The following ROPN1L variants were observed in gnomAD, a reference collection of about 807,000 sequenced individuals.
ROPN1L encodes the protein ropporin-1-like protein.
Under a neutral mutation model 22.7 loss-of-function variants are expected in ROPN1L, and 23 were observed. That is an observed-to-expected ratio of 1.01 (90% CI 0.73 to 1.43). ROPN1L has a LOEUF of 1.43. Ranked by LOEUF, ROPN1L falls within the 40% of genes most tolerant of loss-of-function variation. ROPN1L has a pLI of 0.00. For missense variants in ROPN1L, 271 were observed against 291.5 expected (o/e 0.93, Z 0.51); for synonymous variants, 116 against 117.8 (o/e 0.98, Z 0.10).
chr5:10,449,133 C>T (rs1274346984), intron 2 of ROPN1L, among the ~76,000 whole-genome samples: 4 of 152,336 alleles, frequency 2.6e-5, no homozygotes, highest in East Asian at 1.9e-4. Context: ...GTGTAGCTTG[C>T]GAAAAGACAT....
chr5:10,482,096 T>C, the ROPN1L span: 4 of 152,032 alleles, frequency 2.6e-5, no homozygotes, highest in Admixed American at 6.6e-5. Context: ...CCGGGTGTGA[T>C]GGTTGCACCT....
downstream of ROPN1L, chr5:10,465,029 C>T (rs1735128609): frequency 1.4e-6 from 1 of 705,506 alleles, no homozygotes; most frequent in Non-Finnish European, 2.4e-6. Context: ...GAATCACACA[C>T]CTCTGTAGTG....
At chr5:10,442,418 C>A in intron 1 of ROPN1L, 120 bp downstream of exon 1, 4 of 1,258,586 alleles carry the variant, frequency 3.2e-6, no homozygotes, top group East Asian at 2.4e-5. Flanking sequence ...GAGTATCAGG[C>A]AAAACTTTCC....
Position 10,442,010 on chromosome 5 carries a change from G to T in ROPN1L, c.-158G>T, listed in dbSNP as rs1326793305. On this transcript the variant is annotated 5_prime_UTR_variant, in exon 1 of 5. Transcript: ENST00000274134. The stretch of plus-strand genomic sequence containing the variant: ...GAAGCCCGCGGAGGAGCGGGTAAGA[G>T]CCCCGCGAATCCGGCCCCAACCTCG... The T allele has an allele frequency of 2.1e-6, 2 of 969,970 alleles. No homozygotes were observed. The highest frequency in any genetic ancestry group is 5.2e-5 in the East Asian group (2 of 38,642). 60.1% of individuals were successfully genotyped at this position (969,970 alleles called of 1,614,324 possible).
intron 2 of ROPN1L, among the ~76,000 whole-genome samples, 168 bp from the exon 3 acceptor site, chr5:10,449,784 T>G (rs1195150933): frequency 6.6e-6 from 1 of 152,198 alleles, no homozygotes; most frequent in Admixed American, 6.5e-5. Context: ...GCTCGCTGCC[T>G]TCCCTGCCTT....
intron 1 of ROPN1L, among the ~76,000 whole-genome samples, chr5:10,444,520 A>G (rs1740993840): frequency 6.7e-6 from 1 of 150,074 alleles, no homozygotes; most frequent in East Asian, 2.1e-4. Flanking sequence ...CGAACTCCTG[A>G]CCTCAGGTGA....
intron 3 of ROPN1L, among the ~76,000 whole-genome samples, chr5:10,458,457 A>ATGTACACCATCCCGCTG (rs1389975346): frequency 7.9e-5 from 2 of 25,396 alleles, no homozygotes; most frequent in Non-Finnish European, 1.5e-4. Context: ...CATCCCCCTC[A>ATGTACACCATCCCGCTG]TGTACACCAT....
intron 3 of ROPN1L, among the ~76,000 whole-genome samples, chr5:10,454,945 A>G (rs149767046): frequency 1.3e-5 from 2 of 152,340 alleles, no homozygotes; most frequent in African/African-American, 2.4e-5. Context: ...AGCCCAAGGA[A>G]TGTGCAGCCC....
At chr5:10,472,843 A>C (rs1166474946), downstream of ROPN1L, among the ~76,000 whole-genome samples, 1 of 151,366 alleles carries the variant, frequency 6.6e-6, no homozygotes, top group African/African-American at 2.4e-5. Context: ...GTGAAGAGAA[A>C]GAGAGATTAA....
downstream of ROPN1L, among the ~76,000 whole-genome samples, chr5:10,473,753 T>A (rs1042612926): frequency 1.3e-5 from 2 of 151,826 alleles, no homozygotes; most frequent in Non-Finnish European, 2.9e-5. Context: ...AATCAAGAGG[T>A]TGGGGAGAGG....
chr5:10,462,022 TTTTC>T (rs1735041328), intron 4 of ROPN1L, among the ~76,000 whole-genome samples: 1 of 152,146 alleles, frequency 6.6e-6, no homozygotes, highest in African/African-American at 2.4e-5. Context: ...TAGGGTTTCT[TTTTC>T]CTGGAAGCTT....
At chr5:10,457,065 C>T (rs575314405) in intron 3 of ROPN1L, among the ~76,000 whole-genome samples, 1 of 152,338 alleles carries the variant, frequency 6.6e-6, no homozygotes, top group African/African-American at 2.4e-5. Context: ...ATACACGACT[C>T]GGCTTTGAGC....
the ROPN1L span, among the ~76,000 whole-genome samples, chr5:10,477,390 C>T: frequency 3.2e-4 from 48 of 152,298 alleles, no homozygotes; most frequent in South Asian, 5.8e-3. Flanking sequence ...CTCCTGCTAC[C>T]GTTATTCACA....
chr5:10,465,784 G>C (rs1221902216), downstream of ROPN1L, among the ~76,000 whole-genome samples: 2 of 149,912 alleles, frequency 1.3e-5, no homozygotes, highest in Non-Finnish European at 3.0e-5. Flanking sequence ...TCTGGGAGGC[G>C]GAGGTTGTAG....
intron 3 of ROPN1L, among the ~76,000 whole-genome samples, chr5:10,451,019 C>T (rs540307491): frequency 6.6e-6 from 1 of 152,292 alleles, no homozygotes; most frequent in East Asian, 1.9e-4. Flanking sequence ...TGCTGTGAGA[C>T]ATGGTGGTTG....
Position 10,464,919 on chromosome 5 carries a change from T to A in ROPN1L, c.665T>A (p.Ile222Asn), listed in dbSNP as rs563081436. Residue 222 changes from isoleucine (I) to asparagine (N), a missense_variant, in exon 5 of 5, where the codon ATT becomes AAT. Physicochemically the swap from Ile to Asn is moderately radical, Grantham distance 149 (BLOSUM62 -3). Coordinates refer to ENST00000274134, the MANE Select transcript of ROPN1L (RefSeq NM_031916.5). ...FFPKRKLLES[I>N]ENSEDVGH Reference sequence around the variant, plus strand: ...CCAAAGAGGAAACTTTTAGAAAGCATTGAAAACTCTGAAGATGTAGGCCAT... The same window carrying A: ...CCAAAGAGGAAACTTTTAGAAAGCAATGAAAACTCTGAAGATGTAGGCCAT... 1.2e-6 allele frequency: 2 copies of A among 1,603,710 alleles called. No homozygotes were observed. The highest frequency in any genetic ancestry group is 3.4e-5 in the Admixed American group (2 of 58,594).
chr5:10,460,185 A>T (rs1734990422), intron 3 of ROPN1L, among the ~76,000 whole-genome samples: 2 of 152,254 alleles, frequency 1.3e-5, no homozygotes, highest in Non-Finnish European at 2.9e-5. Flanking sequence ...GTGCAGAAGG[A>T]GAAAAGGAGA....
intron 1 of ROPN1L, among the ~76,000 whole-genome samples, chr5:10,446,698 T>G (rs1741077331): frequency 1.3e-5 from 2 of 149,510 alleles, no homozygotes; most frequent in Admixed American, 6.6e-5. Context: ...GCCAAATGCC[T>G]TTTGGCTGGG....
At chr5:10,445,229 C>A (rs1338412557) in intron 1 of ROPN1L, among the ~76,000 whole-genome samples, 1 of 152,130 alleles carries the variant, frequency 6.6e-6, no homozygotes, top group Non-Finnish European at 1.5e-5. Flanking sequence ...TCCTGGCCTC[C>A]CAAAGTGGTG....
Sources: allele counts gnomAD v4.1 joint callset (sites outside exome capture counted in the v4.1 genomes callset), GRCh38; gene constraint gnomAD v4.1.1; transcripts MANE v1.5; gene names NCBI Gene and HGNC (gene_info 2026-07-23, HGNC 2026-07-21).